Variants in PCDHGB3 observed in about 807,000 individuals in gnomAD.
PCDHGB3 encodes protocadherin gamma-B3.
PCDHGB3 carries 40 observed loss-of-function variants against 59.2 expected under a neutral mutation model. That is an observed-to-expected ratio of 0.68 (90% CI 0.52 to 0.88). The LOEUF is 0.88. PCDHGB3 is among the 40% of genes least tolerant of loss of function. PCDHGB3 has a pLI of 0.00. For synonymous variants in PCDHGB3, 581 were observed against 503.6 expected (o/e 1.15, Z -2.06); for missense variants, 1,309 against 1,187.9 (o/e 1.10, Z -1.50).
At chr5:141,456,897 A>G (rs1351271896) in intron 1 of PCDHGB3, among the ~76,000 whole-genome samples, 2 of 152,178 alleles carry the variant, frequency 1.3e-5, no homozygotes, top group Admixed American at 1.3e-4. Context: ...CGGGAGGCAG[A>G]GGTTGCAGTG....
chr5:141,478,118 G>A (rs1266841885), intron 1 of PCDHGB3: 1 of 1,613,930 alleles, frequency 6.2e-7, no homozygotes, highest in East Asian at 2.2e-5. Context: ...GTCAGTAACC[G>A]AGGACTCTCC....
At chr5:141,430,977 A>C (rs761722055) in intron 1 of PCDHGB3, 1 of 1,613,290 alleles carries the variant, frequency 6.2e-7, no homozygotes, top group South Asian at 1.1e-5. Context: ...GGTAGGACGC[A>C]GCTTTTCGCC....
chr5:141,375,075 C>A lies in PCDHGB3; in HGVS notation c.2415+2266C>A. The stretch of plus-strand genomic sequence containing the variant: ...GATGGGCCAGGTCTTCGAGACAGAG[C>A]GAAAGTCTTAATAACTATCTTGGAT... On this transcript the variant is annotated intron_variant, in intron 1 of 3. Transcript: ENST00000576222. 4 of 1,613,926 alleles carry A rather than the reference C, an allele frequency of 2.5e-6. No individual in the cohort carries two copies. The highest frequency in any genetic ancestry group is 1.6e-4 in the Middle Eastern group (1 of 6,062).
At chr5:141,423,397 C>T (rs759822483) in intron 1 of PCDHGB3, 3 of 1,614,146 alleles carry the variant, frequency 1.9e-6, no homozygotes, top group East Asian at 2.2e-5. Context: ...GCATAAGTCA[C>T]GCCTGCTGCA....
intron 1 of PCDHGB3, among the ~76,000 whole-genome samples, chr5:141,425,820 C>T (rs978139996): frequency 6.6e-6 from 1 of 152,156 alleles, no homozygotes; most frequent in Admixed American, 6.5e-5. Flanking sequence ...TAGAAAAAAA[C>T]AAACTTTTAA....
rs766852982 is a variant in PCDHGB3, at chr5:141,486,907, A to G, written c.2416-7900A>G. ...CCCGGCCTGGTTCCTTATGTCCCCA[A>G]GCACTGCCTCCATCAGTTGGTGCTG... On this transcript the variant is annotated intron_variant, in intron 1 of 3. Coordinates refer to ENST00000576222, the MANE Select transcript of PCDHGB3 (RefSeq NM_018924.5). The surrounding 1 kb of genome is among the most constrained non-coding windows in gnomAD (Gnocchi z 5.0). 6.2e-5 allele frequency: 100 copies of G among 1,614,122 alleles called. No homozygotes were observed. The highest frequency in any genetic ancestry group is 8.0e-5 in the Non-Finnish European group (94 of 1,180,056).
At chr5:141,423,669 T>C in intron 1 of PCDHGB3, 1 of 1,554,480 alleles carries the variant, frequency 6.4e-7, no homozygotes, top group Non-Finnish European at 8.7e-7. Flanking sequence ...AGGTGAGATT[T>C]ATTTCTCTGC....
In PCDHGB3 at chr5:141,489,223, C is replaced by T. The variant is rs771455540; in HGVS notation, c.2416-5584C>T. The T allele has an allele frequency of 6.6e-7, 1 of 1,515,444 alleles. No homozygotes were observed. The highest frequency in any genetic ancestry group is 1.3e-5 in the South Asian group (1 of 75,776). 93.9% of individuals were successfully genotyped at this position (1,515,444 alleles called of 1,614,324 possible). A position where few individuals can be genotyped will look rare whatever the true frequency, so the allele number is the denominator to read the frequency against. The stretch of plus-strand genomic sequence containing the variant: ...CAGGACAGCACAGACTTACTCTCCA[C>T]AAAGGGACTTCTGGGTCATGGGGCC... On this transcript the variant is annotated intron_variant, in intron 1 of 3. Coordinates refer to ENST00000576222, the MANE Select transcript of PCDHGB3 (RefSeq NM_018924.5). The surrounding 1 kb of genome is among the most constrained non-coding windows in gnomAD (Gnocchi z 4.5).
At chr5:141,424,936 C>G (rs1160449329) in intron 1 of PCDHGB3, among the ~76,000 whole-genome samples, 1 of 152,182 alleles carries the variant, frequency 6.6e-6, no homozygotes, top group Non-Finnish European at 1.5e-5. Flanking sequence ...AGTCAACACT[C>G]TCACATCACT....
intron 2 of PCDHGB3, among the ~76,000 whole-genome samples, chr5:141,503,984 C>T (rs967348519): frequency 2.0e-5 from 3 of 152,184 alleles, no homozygotes; most frequent in African/African-American, 7.2e-5. Context: ...AACCCTTCTT[C>T]TTACCTTACA....
At chr5:141,428,616 G>A (rs2097151212) in intron 1 of PCDHGB3, 1 of 207,844 alleles carries the variant, frequency 4.8e-6, no homozygotes, top group Admixed American at 5.3e-5. Flanking sequence ...AGAATAACAA[G>A]ATAAGCTCTA....
chr5:141,410,737 C>A, intron 1 of PCDHGB3: 1 of 1,295,554 alleles, frequency 7.7e-7, no homozygotes, highest in East Asian at 2.5e-5. Context: ...TAGCTTTTTA[C>A]AATATTTTCT....
At position 141,487,855 on chromosome 5, in the gene PCDHGB3, A is replaced by T; in HGVS notation, c.2416-6952A>T. 1 of 974,210 alleles carries T rather than the reference A, an allele frequency of 1.0e-6. No homozygotes were observed. 60.3% of individuals were successfully genotyped at this position (974,210 alleles called of 1,614,324 possible). A position where few individuals can be genotyped will look rare whatever the true frequency, so the allele number is the denominator to read the frequency against. On this transcript the variant is annotated intron_variant, in intron 1 of 3. Coordinates refer to ENST00000576222, the MANE Select transcript of PCDHGB3 (RefSeq NM_018924.5). This position sits in a 1 kb window ranked among gnomAD's most constrained non-coding sequence, Gnocchi z 5.0. Reference sequence around the variant, plus strand: ...TATATCTGAGTAAGAAATGAAAGTAATTGGTGATCAAGAGCCAGGCTGTTG... The same window carrying T: ...TATATCTGAGTAAGAAATGAAAGTATTTGGTGATCAAGAGCCAGGCTGTTG...
intron 3 of PCDHGB3, 73 bp from the exon 4 acceptor site, chr5:141,510,874 G>A (rs1419164967): frequency 3.7e-6 from 6 of 1,610,008 alleles, no homozygotes; most frequent in Admixed American, 1.7e-5. Context: ...TTCATTAACT[G>A]CTGGGGATAT....
rs576594507 is a variant in PCDHGB3, at chr5:141,397,831, A to T, written c.2415+25022A>T. On this transcript the variant is annotated intron_variant, in intron 1 of 3. Transcript: ENST00000576222. ...CACAAAAACAATTACTGCACTGGTT[A>T]ACTTGAAGCCGCAGAGGCTGTAGTT... 9.5e-4 allele frequency among the ~76,000 whole-genome samples: 145 copies of T among 152,360 alleles called. 1 individual carries two copies. The highest frequency in any genetic ancestry group is 1.8e-3 in the Non-Finnish European group (124 of 68,036).
chr5:141,405,238 C>T, intron 1 of PCDHGB3: 1 of 1,614,168 alleles, frequency 6.2e-7, no homozygotes, highest in African/African-American at 1.3e-5. Flanking sequence ...TCACCGCTGA[C>T]TCAAGGAAGA....
intron 1 of PCDHGB3, chr5:141,427,032 A>G (rs1227315080): frequency 2.2e-6 from 1 of 457,206 alleles, no homozygotes; most frequent in East Asian, 6.9e-5. Flanking sequence ...AGTCAGCCTT[A>G]GAGAGAATGT....
intron 2 of PCDHGB3, among the ~76,000 whole-genome samples, chr5:141,496,639 C>A (rs752903356): frequency 6.6e-6 from 1 of 152,222 alleles, no homozygotes; most frequent in Non-Finnish European, 1.5e-5. Flanking sequence ...TTGGGCTGCC[C>A]TTGCCCTTCC....
chr5:141,490,045 C>T lies in PCDHGB3; in HGVS notation c.2416-4762C>T, dbSNP rs530803072. On this transcript the variant is annotated intron_variant, in intron 1 of 3. Transcript: ENST00000576222. The surrounding 1 kb of genome is among the most constrained non-coding windows in gnomAD (Gnocchi z 5.4). ...GCTGCTCCGCCTCAATGCCACTGAT[C>T]CAGACGAGGGCACCAACGGCCAACT... 1.2e-5 allele frequency: 19 copies of T among 1,614,114 alleles called. No individual in the cohort carries two copies. Among genetic ancestry groups the T allele is most frequent in the Admixed American group, 1.2e-4 (7 of 60,014 alleles).
Sources: allele counts gnomAD v4.1 joint callset (sites outside exome capture counted in the v4.1 genomes callset), GRCh38; gene constraint gnomAD v4.1.1; non-coding constraint Gnocchi (gnomAD v3.1); transcripts MANE v1.5; gene names NCBI Gene and HGNC (gene_info 2026-07-23, HGNC 2026-07-21).